The following ADRA1D variants were observed in gnomAD, a reference collection of about 807,000 sequenced individuals.
ADRA1D encodes the protein adrenoceptor alpha 1D.
ADRA1D carries 22 observed loss-of-function variants against 18.6 expected under a neutral mutation model. That is an observed-to-expected ratio of 1.19 (90% confidence interval 0.85 to 1.69). ADRA1D has a LOEUF of 1.69. ADRA1D is among the 40% of genes most tolerant of loss of function. The probability of loss-of-function intolerance (pLI) is 0.00; values close to 1 mark genes in which losing one functional copy is unlikely to be tolerated. For synonymous variants in ADRA1D, 376 were observed against 388.2 expected, an observed-to-expected ratio of 0.97 and a Z score of 0.37; for missense variants, 840 against 840.7, an observed-to-expected ratio of 1.00 and a Z score of 0.01.
chr20:4,227,834 T>C (rs1418825269), intron 1 of ADRA1D, among the ~76,000 whole-genome samples: 1 of 151,604 alleles, frequency 6.6e-6, no homozygotes, highest in Non-Finnish European at 1.5e-5. Context: ...CTTGAACTCC[T>C]GACCTCAGGT....
intron 1 of ADRA1D, among the ~76,000 whole-genome samples, chr20:4,236,511 A>C (rs1411730217): frequency 6.6e-6 from 1 of 152,180 alleles, no homozygotes; most frequent in Non-Finnish European, 1.5e-5. Context: ...GCCACTTGCC[A>C]AGATGAAGAA....
intron 1 of ADRA1D, among the ~76,000 whole-genome samples, chr20:4,229,099 T>G (rs1238001245): frequency 6.6e-6 from 1 of 152,208 alleles, no homozygotes; most frequent in Non-Finnish European, 1.5e-5. Flanking sequence ...TGCTCCTTCC[T>G]CACATCCTCA....
intron 1 of ADRA1D, among the ~76,000 whole-genome samples, chr20:4,223,236 C>A (rs1211792993): frequency 2.0e-5 from 3 of 152,130 alleles, no homozygotes; most frequent in African/African-American, 7.2e-5. Flanking sequence ...TTATGTAATA[C>A]CTTAATGCAG....
Position 4,221,520 on chromosome 20 carries a change from TC to T in ADRA1D, c.*2del. 1 of 1,599,440 alleles carries T rather than the reference TC, an allele frequency of 6.3e-7. No individual in the cohort carries two copies. Among genetic ancestry groups the T allele is most frequent in the Non-Finnish European group, 8.6e-7 (1 of 1,168,728 alleles). On this transcript the variant is annotated 3_prime_UTR_variant, in exon 2 of 2. Coordinates refer to ENST00000379453, the MANE Select transcript of ADRA1D (RefSeq NM_000678.4). Reference sequence around the variant, plus strand: ...CACACTCCGCGGCCTAGCTCTGGGGTCCTTAAATATCGGTCTCCCGTAGGTT... The same window carrying T: ...CACACTCCGCGGCCTAGCTCTGGGGTCTTAAATATCGGTCTCCCGTAGGTT...
intron 1 of ADRA1D, among the ~76,000 whole-genome samples, chr20:4,242,583 G>A (rs1323725288): frequency 6.6e-6 from 1 of 152,248 alleles, no homozygotes; most frequent in Non-Finnish European, 1.5e-5. Context: ...AGACTCACAA[G>A]ATAGGAGAGA....
chr20:4,248,326 C>A lies in ADRA1D; in HGVS notation c.632G>T (p.Arg211Leu), dbSNP rs1198969119. 1.9e-6 allele frequency: 3 copies of A among 1,605,312 alleles called. No homozygotes were observed. Among genetic ancestry groups the A allele is most frequent in the African/African-American group, 2.7e-5 (2 of 74,856 alleles). The change falls in exon 1 of 2, where the codon CGC (arginine) becomes CTC (leucine). Residue 211 changes from arginine to leucine, a missense_variant. Physicochemically the swap from Arg to Leu is moderately radical, Grantham distance 102. Coordinates refer to ENST00000379453, the MANE Select transcript of ADRA1D (RefSeq NM_000678.4). ...SLKYPAIMTE[R>L]KAAAILALLW... ...CAGGGCCAGGATGGCGGCCGCCTTG[C>A]GCTCGGTCATGATGGCTGGGTACTT...
At chr20:4,243,472 G>A (rs1291785432) in intron 1 of ADRA1D, among the ~76,000 whole-genome samples, 1 of 152,198 alleles carries the variant, frequency 6.6e-6, no homozygotes, top group Non-Finnish European at 1.5e-5. Flanking sequence ...GGCATGGGCG[G>A]GGCTGCCAAG....
Position 4,221,616 on chromosome 20 carries a change from C to T in ADRA1D, c.1626G>A (p.Val542=), listed in dbSNP as rs758258728. 3 of 1,613,418 alleles carry T rather than the reference C, an allele frequency of 1.9e-6. No homozygotes were observed. The highest frequency in any genetic ancestry group is 2.2e-5 in the East Asian group (1 of 44,886). The stretch of plus-strand genomic sequence containing the variant: ...CCACCTCGTGTGGGACGCCTAGGGA[C>T]ACAGCCTCCACCTCTGAGCGCTGGG... ...ACAQRSEVEA[V]SLGVPHEVAE... Residue 542 remains valine (V), a synonymous_variant, in exon 2 of 2, where the codon GTG becomes GTA. Coordinates refer to ENST00000379453, the MANE Select transcript of ADRA1D (RefSeq NM_000678.4).
chr20:4,241,743 G>C (rs1358150682), intron 1 of ADRA1D, among the ~76,000 whole-genome samples: 3 of 152,108 alleles, frequency 2.0e-5, no homozygotes, highest in Non-Finnish European at 4.4e-5. Context: ...CTGTGGAGAT[G>C]AGTCCTTTAG....
chr20:4,237,936 GA>G (rs1981134284), intron 1 of ADRA1D, among the ~76,000 whole-genome samples: 1 of 150,734 alleles, frequency 6.6e-6, no homozygotes, highest in African/African-American at 2.4e-5. Flanking sequence ...CCCAGCCTGA[GA>G]GGATATTCTT....
chr20:4,221,380 G>C lies in ADRA1D; in HGVS notation c.*143C>G, dbSNP rs1980655374. ...GGGCTCCAGCCTCAAGCTCTGCCCA[G>C]TTCCTCAGGGATGTCACAGAGCAGC... On this transcript the variant is annotated 3_prime_UTR_variant, in exon 2 of 2. Coordinates refer to ENST00000379453, the MANE Select transcript of ADRA1D (RefSeq NM_000678.4). 1 of 936,494 alleles carries C rather than the reference G, an allele frequency of 1.1e-6. No individual in the cohort carries two copies. The highest frequency in any genetic ancestry group is 1.9e-5 in the South Asian group (1 of 51,666). The allele number at this position is 936,494 out of a possible 1,614,324, so 58.0% of individuals were successfully genotyped here.
At chr20:4,224,848 C>T (rs1980756299) in intron 1 of ADRA1D, among the ~76,000 whole-genome samples, 1 of 152,012 alleles carries the variant, frequency 6.6e-6, no homozygotes, top group South Asian at 2.1e-4. Context: ...ATCGGCTTTG[C>T]TTATCACCCC....
chr20:4,238,973 G>A (rs567526554), intron 1 of ADRA1D, among the ~76,000 whole-genome samples: 1 of 152,104 alleles, frequency 6.6e-6, no homozygotes, highest in Admixed American at 6.5e-5. Context: ...GTGAAGGCTT[G>A]GTCAAGGCTG....
intron 1 of ADRA1D, among the ~76,000 whole-genome samples, chr20:4,229,100 C>T (rs1187782898): frequency 6.6e-6 from 1 of 152,220 alleles, no homozygotes; most frequent in Admixed American, 6.5e-5. Flanking sequence ...GCTCCTTCCT[C>T]ACATCCTCAC....
rs1276717867 is a variant in ADRA1D, at chr20:4,247,967, T to G, written c.991A>C (p.Ser331Arg). 6.3e-7 allele frequency: 1 copy of G among 1,586,880 alleles called. No homozygotes were observed. Among genetic ancestry groups the G allele is most frequent in the African/African-American group, 1.3e-5 (1 of 74,214 alleles). ...MRSAKGHTFR[S>R]SLSVRLLKFS... ...TTGAGCAGGCGCACGGAGAGCGAGC[T>G]GCGGAAGGTGTGGCCCTTGGCGCTG... The change falls in exon 1 of 2, where the codon AGC becomes CGC. Residue 331 changes from serine (S) to arginine (R), a missense_variant. Physicochemically the swap from Ser to Arg is moderately radical, Grantham distance 110 (BLOSUM62 -1). Transcript: ENST00000379453.
At chr20:4,244,857 G>A (rs1339507345) in intron 1 of ADRA1D, among the ~76,000 whole-genome samples, 1 of 152,168 alleles carries the variant, frequency 6.6e-6, no homozygotes, top group Non-Finnish European at 1.5e-5. Context: ...GCTCATCATT[G>A]CCAGATTCAA....
At position 4,221,439 on chromosome 20, in the gene ADRA1D, C is replaced by A. The variant is rs976143259; in HGVS notation, c.*84G>T. On this transcript the variant is annotated 3_prime_UTR_variant, in exon 2 of 2. Transcript: ENST00000379453. ...TCAGTTTCCGGGTCTCCGATTTGCA[C>A]GGGGGCTCTTAGAACACCAGCCCGC... The A allele has an allele frequency of 1.4e-6, 2 of 1,441,862 alleles. No homozygotes were observed. Among genetic ancestry groups the A allele is most frequent in the Non-Finnish European group, 1.9e-6 (2 of 1,063,832 alleles). The allele number at this position is 1,441,862 out of a possible 1,614,324, so 89.3% of individuals were successfully genotyped here.
In ADRA1D at chr20:4,248,019, C is replaced by A; in HGVS notation, c.939G>T (p.Thr313=). 1 of 1,554,906 alleles carries A rather than the reference C, an allele frequency of 6.4e-7. No homozygotes were observed. The highest frequency in any genetic ancestry group is 8.7e-7 in the Non-Finnish European group (1 of 1,150,342). Residue 313 remains threonine (T), a synonymous_variant, in exon 1 of 2, where the codon ACG becomes ACT. Coordinates refer to ENST00000379453, the MANE Select transcript of ADRA1D (RefSeq NM_000678.4). ...GCATGCCGTGCGCCCCGTCGGCGCC[C>A]GTGGCCGCGCCGCGACAGTGGATGC... ...VLRIHCRGAA[T]GADGAHGMRS... is the part of the protein sequence containing the mutation.
intron 1 of ADRA1D, among the ~76,000 whole-genome samples, chr20:4,231,484 T>C (rs1314492799): frequency 6.6e-6 from 1 of 152,134 alleles, no homozygotes; most frequent in African/African-American, 2.4e-5. Context: ...TCCCAGCCTC[T>C]AGCACAAGTG....
Sources: gnomAD v4.1 joint callset for allele counts (sites outside exome capture counted in the v4.1 genomes callset) on GRCh38, gnomAD v4.1.1 for gene constraint, MANE v1.5 for transcripts, NCBI Gene and HGNC (gene_info 2026-07-23, HGNC 2026-07-21) for gene names.